The following DCC variants were observed in gnomAD, a reference collection of about 807,000 sequenced individuals.
DCC encodes netrin receptor DCC.
Under a neutral mutation model 172.5 loss-of-function variants are expected in DCC, and 58 were observed. That is an observed-to-expected ratio of 0.34 (90% confidence interval 0.27 to 0.42). The LOEUF (loss-of-function observed/expected upper bound fraction) is 0.42, where lower values mean the gene tolerates loss of function less well. Ranked by LOEUF, DCC falls within the 10% of genes least tolerant of loss-of-function variation. DCC has a pLI of 1.00. For synonymous variants in DCC, 709 were observed against 644.5 expected, an observed-to-expected ratio of 1.10 and a Z score of -1.52; for missense variants, 1,740 against 1,791.0, an observed-to-expected ratio of 0.97 and a Z score of 0.51.
chr18:53,254,950 A>T (rs1257024717), intron 12 of DCC, among the ~76,000 whole-genome samples: 2 of 152,040 alleles, frequency 1.3e-5, no homozygotes, highest in Non-Finnish European at 2.9e-5. Flanking sequence ...ATTTCCCCCT[A>T]AATTGGAAGA....
intron 2 of DCC, among the ~76,000 whole-genome samples, chr18:52,813,306 T>C (rs538783250): frequency 1.3e-5 from 2 of 151,886 alleles, no homozygotes; most frequent in East Asian, 1.9e-4. Context: ...GCAGATGTTA[T>C]AGGTGAAAAC....
chr18:53,268,345 C>A (rs1293751823), intron 12 of DCC, among the ~76,000 whole-genome samples: 2 of 151,990 alleles, frequency 1.3e-5, no homozygotes, highest in East Asian at 3.9e-4. Context: ...TTAAACTAGC[C>A]TCACATAGAT....
At chr18:52,708,044 A>G (rs1241683763) in intron 1 of DCC, among the ~76,000 whole-genome samples, 2 of 152,236 alleles carry the variant, frequency 1.3e-5, no homozygotes. Flanking sequence ...AGTAGTGCAT[A>G]TATTAGTTTG....
intron 1 of DCC, among the ~76,000 whole-genome samples, chr18:52,372,277 T>C (rs1315660501): frequency 1.3e-5 from 2 of 152,172 alleles, no homozygotes; most frequent in African/African-American, 4.8e-5. Flanking sequence ...GAAGAAACCC[T>C]CTGGGGATTG....
intron 22 of DCC, among the ~76,000 whole-genome samples, chr18:53,442,248 C>CA (rs1912322413): frequency 6.6e-6 from 1 of 152,242 alleles, no homozygotes; most frequent in South Asian, 2.1e-4. Context: ...GCTAACCCTG[C>CA]ATTGTGCAAG....
intron 1 of DCC, among the ~76,000 whole-genome samples, chr18:52,485,843 AAAT>A (rs1366569465): frequency 6.6e-6 from 1 of 152,164 alleles, no homozygotes; most frequent in Non-Finnish European, 1.5e-5. Context: ...ATGATCTGTG[AAAT>A]TAATCAAAAA....
intron 1 of DCC, among the ~76,000 whole-genome samples, chr18:52,700,273 C>T (rs1266609624): frequency 3.4e-5 from 3 of 88,800 alleles, no homozygotes; most frequent in Admixed American, 2.1e-4. Flanking sequence ...CACTCTTGTG[C>T]ACACATGCAC....
chr18:52,827,591 C>T (rs1462697140), intron 2 of DCC, among the ~76,000 whole-genome samples: 2 of 152,178 alleles, frequency 1.3e-5, no homozygotes, highest in Non-Finnish European at 2.9e-5. Context: ...AATGAAAATG[C>T]ACCTGCATAA....
intron 8 of DCC, among the ~76,000 whole-genome samples, chr18:53,172,192 C>T (rs908764045): frequency 6.6e-6 from 1 of 152,004 alleles, no homozygotes; most frequent in African/African-American, 2.4e-5. Flanking sequence ...TAGTTGGAGG[C>T]CATAATCCTA....
At chr18:53,164,052 A>T (rs542889708) in intron 8 of DCC, among the ~76,000 whole-genome samples, 3 of 152,312 alleles carry the variant, frequency 2.0e-5, no homozygotes, top group Admixed American at 2.0e-4. Flanking sequence ...AGTCCAAAGC[A>T]GGCACTCTCA....
intron 1 of DCC, among the ~76,000 whole-genome samples, chr18:52,523,001 A>T (rs565009705): frequency 6.6e-6 from 1 of 152,316 alleles, no homozygotes; most frequent in African/African-American, 2.4e-5. Flanking sequence ...TAATATTGGT[A>T]TGAAGTGATT....
chr18:52,610,517 G>C (rs938511923), intron 1 of DCC, among the ~76,000 whole-genome samples: 1 of 149,362 alleles, frequency 6.7e-6, no homozygotes, highest in African/African-American at 2.5e-5. Flanking sequence ...CTAAAGGTTA[G>C]TTTTATTCAA....
chr18:52,704,086 T>C (rs77735560), intron 1 of DCC, among the ~76,000 whole-genome samples: 8,848 of 138,372 alleles, frequency 0.064, 425 homozygotes, highest in South Asian at 0.14. Context: ...CTTTCTATGA[T>C]TCTATAAAAG....
At chr18:53,212,611 A>G (rs377335623) in intron 11 of DCC, among the ~76,000 whole-genome samples, 41 of 152,306 alleles carry the variant, frequency 2.7e-4, no homozygotes, top group African/African-American at 8.7e-4. Context: ...AACTACTTCA[A>G]TACCATTACA....
At chr18:52,567,294 TTTATCTC>T (rs1171078257) in intron 1 of DCC, among the ~76,000 whole-genome samples, 1 of 152,094 alleles carries the variant, frequency 6.6e-6, no homozygotes, top group Non-Finnish European at 1.5e-5. Context: ...AAATATAAAT[TTTATCTC>T]TTAATAAGAC....
chr18:53,315,637 T>A (rs998594319), intron 13 of DCC, among the ~76,000 whole-genome samples: 1 of 152,190 alleles, frequency 6.6e-6, no homozygotes, highest in African/African-American at 2.4e-5. Context: ...GTTTCCTGAC[T>A]TTTTAATGAT....
chr18:53,530,364 G>C (rs756330067), intron 28 of DCC, 200 bp from the exon 29 acceptor site: 1 of 703,544 alleles, frequency 1.4e-6, no homozygotes, highest in South Asian at 1.5e-5. Context: ...TGGAGTGGGT[G>C]AAACAATATG....
chr18:53,351,405 A>ATATATACAG (rs2057804135), intron 15 of DCC, among the ~76,000 whole-genome samples: 1 of 12,000 alleles, frequency 8.3e-5, no homozygotes, highest in Non-Finnish European at 1.9e-4. Flanking sequence ...TACAGTGTAT[A>ATATATACAG]TATATATATA....
chr18:53,495,852 T>C (rs1418901706), intron 26 of DCC, among the ~76,000 whole-genome samples: 1 of 152,152 alleles, frequency 6.6e-6, no homozygotes, highest in Non-Finnish European at 1.5e-5. Context: ...TCACTTTATT[T>C]CATTAAGTTG....
Sources: allele counts gnomAD v4.1 joint callset (sites outside exome capture counted in the v4.1 genomes callset), GRCh38; gene constraint gnomAD v4.1.1; transcripts MANE v1.5; gene names NCBI Gene and HGNC (gene_info 2026-07-23, HGNC 2026-07-21).